XKR4: variants seen among roughly 807,000 people sequenced by gnomAD.
XKR4 encodes XK-related protein 4.
XKR4 carries 12 observed loss-of-function variants against 53.9 expected under a neutral mutation model. That is an observed-to-expected ratio of 0.22 (90% CI 0.14 to 0.36). The LOEUF is 0.36. Ranked by LOEUF, XKR4 falls within the 10% of genes least tolerant of loss-of-function variation. XKR4 has a pLI of 1.00. For missense variants in XKR4, 799 were observed against 859.5 expected, an observed-to-expected ratio of 0.93 and a Z score of 0.88; for synonymous variants, 354 against 362.4, an observed-to-expected ratio of 0.98 and a Z score of 0.26.
chr8:55,238,646 C>A (rs1818167173), intron 1 of XKR4, among the ~76,000 whole-genome samples: 1 of 152,064 alleles, frequency 6.6e-6, no homozygotes, highest in Non-Finnish European at 1.5e-5. Context: ...GCAAGAGAGG[C>A]TGGGATGTAG....
intron 1 of XKR4, among the ~76,000 whole-genome samples, chr8:55,309,711 A>C (rs1047059637): frequency 1.3e-5 from 2 of 152,208 alleles, no homozygotes; most frequent in Non-Finnish European, 2.9e-5. Flanking sequence ...AGATCTCTGT[A>C]TCACTTCTTG....
rs976797099 is a variant in XKR4 at position 55,541,151 on chromosome 8, T to G, written c.*16924T>G. On this transcript the variant is annotated 3_prime_UTR_variant, in exon 3 of 3. Transcript: ENST00000327381. ...TGTTTTATTTAGAAACATGAAACCA[T>G]GCACTTTGTAATCAATAAGTCTTTT... 1 of 152,222 alleles carries G rather than the reference T, an allele frequency of 6.6e-6. No homozygotes were observed. The allele number at this position is 152,222 out of a possible 1,614,324, so 9.4% of individuals were successfully genotyped here.
intron 1 of XKR4, among the ~76,000 whole-genome samples, chr8:55,252,904 T>A (rs1338403577): frequency 6.6e-6 from 1 of 152,152 alleles, no homozygotes; most frequent in African/African-American, 2.4e-5. Flanking sequence ...AAATGAGATA[T>A]GCATGGGCTA....
intron 1 of XKR4, among the ~76,000 whole-genome samples, chr8:55,132,300 T>C (rs1585895198): frequency 1.3e-5 from 2 of 152,314 alleles, no homozygotes; most frequent in East Asian, 3.9e-4. Flanking sequence ...ATGCTAATTT[T>C]CCAATCCATG....
intron 2 of XKR4, among the ~76,000 whole-genome samples, chr8:55,513,787 C>T (rs6986500): frequency 6.6e-6 from 1 of 152,154 alleles, no homozygotes; most frequent in Non-Finnish European, 1.5e-5. Flanking sequence ...CTTTGAGTTA[C>T]CAGGTTTCAC....
At chr8:55,341,187 C>T (rs1789467460) in intron 1 of XKR4, among the ~76,000 whole-genome samples, 1 of 152,152 alleles carries the variant, frequency 6.6e-6, no homozygotes, top group Admixed American at 6.5e-5. Context: ...AAGGGGAACA[C>T]ACAGAGAAAC....
chr8:55,274,062 C>T (rs1818731099), intron 1 of XKR4, among the ~76,000 whole-genome samples: 1 of 152,206 alleles, frequency 6.6e-6, no homozygotes, highest in Non-Finnish European at 1.5e-5. Context: ...TGCATAAGAT[C>T]TTCAGCAAAC....
At chr8:55,461,486 T>C (rs1411313624) in intron 2 of XKR4, among the ~76,000 whole-genome samples, 1 of 151,902 alleles carries the variant, frequency 6.6e-6, no homozygotes, top group African/African-American at 2.4e-5. Flanking sequence ...ATCACTATCA[T>C]AAAAGACCAA....
In XKR4 at chr8:55,260,627, C is replaced by T. The variant is rs73682931; in HGVS notation, c.807-97051C>T. ...TGCAAGTGGGTCTTCCAGCTGGTGG[C>T]GGAGTGCACAGGGTTTTATAGACAG... On this transcript the variant is annotated intron_variant, in intron 1 of 2. Transcript: ENST00000327381. Among the ~76,000 whole-genome samples, 477 of 152,160 alleles carry T rather than the reference C, an allele frequency of 3.1e-3. 3 individuals are homozygous for T. The highest frequency in any genetic ancestry group is 0.01 in the African/African-American group (416 of 41,526).
At chr8:55,327,880 C>T (rs1803317465) in intron 1 of XKR4, among the ~76,000 whole-genome samples, 1 of 152,086 alleles carries the variant, frequency 6.6e-6, no homozygotes, top group Non-Finnish European at 1.5e-5. Context: ...TTGCCAAATT[C>T]ACATGGATAA....
intron 1 of XKR4, among the ~76,000 whole-genome samples, chr8:55,167,563 A>C (rs1817087420): frequency 6.6e-6 from 1 of 152,232 alleles, no homozygotes; most frequent in East Asian, 1.9e-4. Flanking sequence ...TAGACTTCGG[A>C]AGCAAGACAT....
chr8:55,233,240 C>T (rs1361871696), intron 1 of XKR4, among the ~76,000 whole-genome samples: 1 of 152,212 alleles, frequency 6.6e-6, no homozygotes, highest in Non-Finnish European at 1.5e-5. Context: ...TTGTTGATCT[C>T]TGCAGCAATA....
chr8:55,504,994 A>G (rs1324752956), intron 2 of XKR4, among the ~76,000 whole-genome samples: 1 of 151,960 alleles, frequency 6.6e-6, no homozygotes, highest in African/African-American at 2.4e-5. Context: ...ATCCTTTTAA[A>G]GAACTAACTT....
chr8:55,435,868 T>C (rs566348771), intron 2 of XKR4, among the ~76,000 whole-genome samples: 1 of 152,270 alleles, frequency 6.6e-6, no homozygotes, highest in Admixed American at 6.5e-5. Context: ...AATCAAAAGA[T>C]ATACTCAGAT....
At chr8:55,267,709 A>G (rs1818630491) in intron 1 of XKR4, among the ~76,000 whole-genome samples, 1 of 152,160 alleles carries the variant, frequency 6.6e-6, no homozygotes, top group East Asian at 1.9e-4. Flanking sequence ...CATTATTTTT[A>G]TAATGACTAT....
chr8:55,460,336 C>A (rs534614651), intron 2 of XKR4, among the ~76,000 whole-genome samples: 5 of 152,166 alleles, frequency 3.3e-5, no homozygotes, highest in African/African-American at 1.2e-4. Flanking sequence ...ATTCTCAAAT[C>A]GGATTATGAC....
chr8:55,494,683 A>C (rs975034890), intron 2 of XKR4, among the ~76,000 whole-genome samples: 1 of 152,062 alleles, frequency 6.6e-6, no homozygotes, highest in Non-Finnish European at 1.5e-5. Context: ...TTCAGTTCTC[A>C]GCAGAGAGTG....
At chr8:55,222,284 C>G (rs1817891723) in intron 1 of XKR4, among the ~76,000 whole-genome samples, 2 of 152,242 alleles carry the variant, frequency 1.3e-5, no homozygotes, top group Non-Finnish European at 2.9e-5. Flanking sequence ...TTTCTGCATT[C>G]TGCTCTGCTC....
At chr8:55,210,137 T>G (rs1585941242) in intron 1 of XKR4, among the ~76,000 whole-genome samples, 1 of 151,528 alleles carries the variant, frequency 6.6e-6, no homozygotes, top group South Asian at 2.1e-4. Context: ...CAGGCTGAAG[T>G]GCAGTGGCGT....
Sources: allele counts gnomAD v4.1 joint callset (sites outside exome capture counted in the v4.1 genomes callset), GRCh38; gene constraint gnomAD v4.1.1; transcripts MANE v1.5; gene names NCBI Gene and HGNC (gene_info 2026-07-23, HGNC 2026-07-21).